PAX2: variants seen among roughly 807,000 people sequenced by gnomAD.
The protein encoded by PAX2 is paired box protein Pax-2.
PAX2 carries 9 observed loss-of-function variants against 41.7 expected under a neutral mutation model. The observed-to-expected ratio is 0.22, with a 90% CI of 0.13 to 0.38. The LOEUF (loss-of-function observed/expected upper bound fraction) is 0.38. PAX2 is among the 10% of genes least tolerant of loss of function. The pLI is 1.00. For synonymous variants in PAX2, 221 were observed against 212.7 expected, an observed-to-expected ratio of 1.04 and a Z score of -0.34; for missense variants, 418 against 531.6, an observed-to-expected ratio of 0.79 and a Z score of 2.10.
chr10:100,770,636 C>T (rs746646789), intron 3 of PAX2, among the ~76,000 whole-genome samples: 65 of 152,346 alleles, frequency 4.3e-4, no homozygotes, highest in African/African-American at 1.4e-3. Context: ...CTCAGGGGCA[C>T]GTGGCGGAAA....
upstream of PAX2, among the ~76,000 whole-genome samples, chr10:100,743,332 G>A (rs913830447): frequency 6.6e-6 from 1 of 152,164 alleles, no homozygotes; most frequent in African/African-American, 2.4e-5. Flanking sequence ...CGCCCAACAT[G>A]TGAAAATGCT....
intron 5 of PAX2, among the ~76,000 whole-genome samples, chr10:100,800,334 A>G (rs771602043): frequency 1.5e-5 from 2 of 134,172 alleles, no homozygotes; most frequent in Non-Finnish European, 3.0e-5. Flanking sequence ...GGCTGAATGC[A>G]GTGGCACTAT....
At chr10:100,769,826 A>G (rs973636723) in intron 3 of PAX2, among the ~76,000 whole-genome samples, 1 of 152,160 alleles carries the variant, frequency 6.6e-6, no homozygotes, top group African/African-American at 2.4e-5. Context: ...AATAGCAGAC[A>G]TCTGCCTTCT....
chr10:100,793,875 A>T (rs1310405853), intron 5 of PAX2, among the ~76,000 whole-genome samples: 1 of 152,104 alleles, frequency 6.6e-6, no homozygotes, highest in Non-Finnish European at 1.5e-5. Flanking sequence ...CCGGGATGTG[A>T]CTCTCAGGAG....
rs1412508737 is a variant in PAX2, at chr10:100,750,588, G to A, written c.213-106G>A. The A allele has an allele frequency of 3.0e-6, 3 of 1,016,214 alleles. No individual in the cohort carries two copies. The highest frequency in any genetic ancestry group is 2.6e-5 in the East Asian group (1 of 38,724). 62.9% of individuals were successfully genotyped at this position (1,016,214 alleles called of 1,614,324 possible). A position where few individuals can be genotyped will look rare whatever the true frequency, so the allele number is the denominator to read the frequency against. ...ACACTGGGCCTTTTCCCTCCACTCC[G>A]CTGCCTCGGCCGGGCAGGAGAGTGG... On this transcript the variant is annotated intron_variant, in intron 2 of 9. Transcript: ENST00000355243. The surrounding 1 kb of genome is among the most constrained non-coding windows in gnomAD (Gnocchi z 4.1).
intron 5 of PAX2, among the ~76,000 whole-genome samples, chr10:100,788,868 A>C (rs1008352336): frequency 1.0e-4 from 15 of 148,196 alleles, no homozygotes; most frequent in East Asian, 4.0e-4. Flanking sequence ...ATGCACACAC[A>C]CCCCCCCCGA....
chr10:100,745,726 C>G lies in PAX2; in HGVS notation c.-535C>G, dbSNP rs1470457431. On this transcript the variant is annotated 5_prime_UTR_variant, in exon 1 of 10. Transcript: ENST00000355243. Reference sequence around the variant, plus strand: ...TTTCCGGGGGCGGGGGCCTGGCCCGCGCGCTCCCCTCCCGCAGGCGCCACC... The same window carrying G: ...TTTCCGGGGGCGGGGGCCTGGCCCGGGCGCTCCCCTCCCGCAGGCGCCACC... 1.9e-6 allele frequency: 2 copies of G among 1,031,900 alleles called. No homozygotes were observed. Among genetic ancestry groups the G allele is most frequent in the Non-Finnish European group, 2.3e-6 (2 of 858,026 alleles). The allele number at this position is 1,031,900 out of a possible 1,614,324, so 63.9% of individuals were successfully genotyped here.
intron 5 of PAX2, among the ~76,000 whole-genome samples, chr10:100,800,557 G>C (rs1474884983): frequency 2.0e-5 from 3 of 152,166 alleles, no homozygotes; most frequent in African/African-American, 7.2e-5. Context: ...TTACAGGCAT[G>C]AGCCACTATG....
At chr10:100,800,894 A>T (rs1245641167) in intron 5 of PAX2, among the ~76,000 whole-genome samples, 1 of 152,282 alleles carries the variant, frequency 6.6e-6, no homozygotes, top group Non-Finnish European at 1.5e-5. Context: ...GAAGTAGCAC[A>T]TACTAATTGC....
rs539751352 is a variant in PAX2 at position 100,789,757 on chromosome 10, T to A, written c.616+8392T>A. ...CATTGCTATGATTATATCTCCCTAG[T>A]AACCAAGGAAATTAAACTGTTCATA... On this transcript the variant is annotated intron_variant, in intron 5 of 9. Transcript: ENST00000355243. Among the ~76,000 whole-genome samples, 14 of 152,376 alleles carry A rather than the reference T, an allele frequency of 9.2e-5. No individual in the cohort carries two copies. The South Asian group carries it at 2.9e-3, about 32-fold the overall frequency.
In PAX2 at chr10:100,748,362, AGT is replaced by A. The variant is rs1161320539; in HGVS notation, c.44-1383_44-1382del. On this transcript the variant is annotated intron_variant, in intron 1 of 9. Transcript: ENST00000355243. This position sits in a 1 kb window ranked among gnomAD's most constrained non-coding sequence, Gnocchi z 5.0. ...GCAAGGGGGTAAAAGAAGGGGCTTC[AGT>A]CTCTCCCAGCAACGCGATCAGAGGT... 1.0e-6 allele frequency: 1 copy of A among 984,314 alleles called. No homozygotes were observed. Among genetic ancestry groups the A allele is most frequent in the Admixed American group, 6.2e-5 (1 of 16,248 alleles). 61.0% of individuals were successfully genotyped at this position (984,314 alleles called of 1,614,324 possible).
At position 100,748,339 on chromosome 10, in the gene PAX2, A is replaced by G. The variant is rs1845284432; in HGVS notation, c.44-1407A>G. The G allele has an allele frequency of 1.0e-6, 1 of 984,216 alleles. No homozygotes were observed. The highest frequency in any genetic ancestry group is 4.7e-5 in the South Asian group (1 of 21,220). 61.0% of individuals were successfully genotyped at this position (984,216 alleles called of 1,614,324 possible). ...AGATAGGGAGATTAACGGGGTGGGC[A>G]AGGGGGTAAAAGAAGGGGCTTCAGT... On this transcript the variant is annotated intron_variant, in intron 1 of 9. Transcript: ENST00000355243. This position sits in a 1 kb window ranked among gnomAD's most constrained non-coding sequence, Gnocchi z 5.0.
At position 100,745,954 on chromosome 10, in the gene PAX2, C is replaced by T. The variant is rs1845149034; in HGVS notation, c.-307C>T. 7.8e-7 allele frequency: 1 copy of T among 1,286,180 alleles called. No individual in the cohort carries two copies. Among genetic ancestry groups the T allele is most frequent in the East Asian group, 3.5e-5 (1 of 28,942 alleles). The allele number at this position is 1,286,180 out of a possible 1,614,324, so 79.7% of individuals were successfully genotyped here. A position where few individuals can be genotyped will look rare whatever the true frequency, so the allele number is the denominator to read the frequency against. On this transcript the variant is annotated 5_prime_UTR_variant, in exon 1 of 10. Transcript: ENST00000355243. Reference sequence around the variant, plus strand: ...TTCAGCCCTGGCTGCAGCTGCAGCGCGAGCCATGCGCCCCCAGTGCACCCC... The same window carrying T: ...TTCAGCCCTGGCTGCAGCTGCAGCGTGAGCCATGCGCCCCCAGTGCACCCC...
chr10:100,809,742 T>C (rs1431467637), intron 7 of PAX2, among the ~76,000 whole-genome samples: 1 of 152,174 alleles, frequency 6.6e-6, no homozygotes, highest in Non-Finnish European at 1.5e-5. Context: ...GAGTTTGAGA[T>C]GAGTACAATT....
Position 100,748,479 on chromosome 10 carries a change from C to G in PAX2, c.44-1267C>G. ...AGGGGGGCACAGATGTCCCCGCTTTCTCCGAAACTCGCGTGAGGCTAGCGG... is the reference window on the plus strand; with the variant it reads ...AGGGGGGCACAGATGTCCCCGCTTTGTCCGAAACTCGCGTGAGGCTAGCGG... On this transcript the variant is annotated intron_variant, in intron 1 of 9. Coordinates refer to ENST00000355243, the MANE Select transcript of PAX2 (RefSeq NM_000278.5). This position sits in a 1 kb window ranked among gnomAD's most constrained non-coding sequence, Gnocchi z 5.0. The G allele has an allele frequency of 1.0e-6, 1 of 985,178 alleles. No individual in the cohort carries two copies. Among genetic ancestry groups the G allele is most frequent in the East Asian group, 1.1e-4 (1 of 8,766 alleles). The allele number at this position is 985,178 out of a possible 1,614,324, so 61.0% of individuals were successfully genotyped here.
chr10:100,771,401 C>G (rs1846204307), intron 3 of PAX2, among the ~76,000 whole-genome samples: 1 of 152,230 alleles, frequency 6.6e-6, no homozygotes, highest in Admixed American at 6.5e-5. Flanking sequence ...AACCTCTAAA[C>G]TCAGCCCAAA....
intron 1 of PAX2, chr10:100,747,701 T>G: frequency 1.0e-6 from 1 of 984,412 alleles, no homozygotes; most frequent in African/African-American, 1.8e-5. Context: ...TGGGATAAAA[T>G]ATATTTTTCT....
intron 3 of PAX2, among the ~76,000 whole-genome samples, chr10:100,761,346 A>C (rs1845838339): frequency 6.6e-6 from 1 of 152,134 alleles, no homozygotes; most frequent in Non-Finnish European, 1.5e-5. Context: ...CCTCCCACCT[A>C]GCACATACAC....
chr10:100,774,427 T>C (rs1846314367), intron 3 of PAX2, among the ~76,000 whole-genome samples: 1 of 152,092 alleles, frequency 6.6e-6, no homozygotes, highest in African/African-American at 2.4e-5. Flanking sequence ...CCCCAGTCTG[T>C]CTGCTTGAGA....
Sources: allele counts gnomAD v4.1 joint callset (sites outside exome capture counted in the v4.1 genomes callset), GRCh38; gene constraint gnomAD v4.1.1; non-coding constraint Gnocchi (gnomAD v3.1); transcripts MANE v1.5; gene names NCBI Gene and HGNC (gene_info 2026-07-23, HGNC 2026-07-21).